CCDC30: variants seen among roughly 807,000 people sequenced by gnomAD.
CCDC30 encodes coiled-coil domain-containing protein 30.
CCDC30 carries 70 observed loss-of-function variants against 100.2 expected under a neutral mutation model. The observed-to-expected ratio is 0.70, with a 90% CI of 0.58 to 0.85. The LOEUF is 0.85. Ranked by LOEUF, CCDC30 falls within the 40% of genes least tolerant of loss-of-function variation. CCDC30 has a pLI of 0.00. For synonymous variants in CCDC30, 233 were observed against 269.5 expected, an observed-to-expected ratio of 0.86 and a Z score of 1.33; for missense variants, 652 against 771.2, an observed-to-expected ratio of 0.85 and a Z score of 1.83.
chr1:42,489,275 C>T (rs1455602597), intron 3 of CCDC30, among the ~76,000 whole-genome samples: 1 of 152,138 alleles, frequency 6.6e-6, no homozygotes, highest in African/African-American at 2.4e-5. Flanking sequence ...TTTATCTCAT[C>T]TATAAAATGG....
chr1:42,487,945 A>G (rs757388086), intron 3 of CCDC30, among the ~76,000 whole-genome samples: 10 of 152,172 alleles, frequency 6.6e-5, no homozygotes, highest in Admixed American at 1.3e-4. Flanking sequence ...AACGTGAACT[A>G]GTAGATGGAT....
chr1:42,501,699 T>C (rs1644315019), intron 6 of CCDC30, among the ~76,000 whole-genome samples: 1 of 152,298 alleles, frequency 6.6e-6, no homozygotes, highest in East Asian at 1.9e-4. Flanking sequence ...TGCAGGTCTC[T>C]TGGAGTTTGC....
At chr1:42,634,896 TTCTC>T (rs1344506854) in intron 11 of CCDC30, among the ~76,000 whole-genome samples, 2 of 152,192 alleles carry the variant, frequency 1.3e-5, no homozygotes, top group Non-Finnish European at 2.9e-5. Context: ...TCTACTTTCT[TTCTC>T]TCTAAATTTG....
chr1:42,595,926 G>A (rs768729899), intron 10 of CCDC30, among the ~76,000 whole-genome samples: 10 of 152,128 alleles, frequency 6.6e-5, no homozygotes, highest in African/African-American at 1.7e-4. Flanking sequence ...CCTCTGGTGC[G>A]AATGCAAAAA....
At chr1:42,576,863 T>C (rs1346127057) in intron 7 of CCDC30, among the ~76,000 whole-genome samples, 157 bp from the exon 12 acceptor site, 1 of 152,194 alleles carries the variant, frequency 6.6e-6, no homozygotes, top group Non-Finnish European at 1.5e-5. Context: ...GTCTACACTT[T>C]GGAAACTCTT....
At chr1:42,546,400 ATATATATATATATATATAT>A (rs371289845) in intron 6 of CCDC30, among the ~76,000 whole-genome samples, 66,110 of 97,532 alleles carry the variant, frequency 0.68, 24,745 homozygotes, top group Non-Finnish European at 0.75. Context: ...AAAAAAAAAA[ATATATATATATATATATAT>A]ATATATATAT....
chr1:42,646,264 G>T lies in CCDC30; in HGVS notation c.1801G>T (p.Glu601Ter). Residue 601 changes from glutamate to a stop codon, truncating the protein, a stop_gained, in exon 15 of 17, where the codon GAG becomes TAG. Coordinates refer to ENST00000668663, the Ensembl canonical transcript of CCDC30. LOFTEE classifies it high-confidence loss of function. ...CAGCAACAATGCAGAACTCCAGCAT[G>T]AGGATGAGTCAGTTCCTGAGGCCAC... 6.4e-7 allele frequency: 1 copy of T among 1,550,638 alleles called. No individual in the cohort carries two copies. Among genetic ancestry groups the T allele is most frequent in the Non-Finnish European group, 8.7e-7 (1 of 1,146,326 alleles).
At chr1:42,498,990 G>C in intron 6 of CCDC30, 74 bp downstream of exon 6, 2 of 700,206 alleles carry the variant, frequency 2.9e-6, no homozygotes, top group Non-Finnish European at 4.0e-6. Flanking sequence ...ATACTAGAGT[G>C]ATTGGTGCTA....
At chr1:42,582,059 CAAA>C (rs770972866) in intron 9 of CCDC30, among the ~76,000 whole-genome samples, 2,986 of 99,032 alleles carry the variant, frequency 0.03, 109 homozygotes, top group African/African-American at 0.1. Flanking sequence ...TTGTCTATAC[CAAA>C]AAAAAAAAAA....
chr1:42,642,718 ACT>A (rs1375801755), intron 13 of CCDC30, 109 bp downstream of exon 17: 2 of 1,071,388 alleles, frequency 1.9e-6, no homozygotes, highest in Admixed American at 3.1e-5. Flanking sequence ...CTACCCTATG[ACT>A]CTCGCTCCGC....
intron 15 of CCDC30, among the ~76,000 whole-genome samples, chr1:42,647,712 T>A (rs558147975): frequency 6.6e-6 from 1 of 152,292 alleles, no homozygotes; most frequent in East Asian, 1.9e-4. Flanking sequence ...AAACAGAAAT[T>A]GTGTCAAGTA....
chr1:42,655,867 CTTTTTTT>C (rs766715541), downstream of CCDC30, among the ~76,000 whole-genome samples: 23 of 87,316 alleles, frequency 2.6e-4, 1 homozygote, highest in African/African-American at 3.1e-4. Context: ...GCTGTTTTTA[CTTTTTTT>C]TTTTTTTTTT....
intron 6 of CCDC30, among the ~76,000 whole-genome samples, chr1:42,560,545 A>G (rs1333831247): frequency 6.6e-6 from 1 of 151,834 alleles, no homozygotes; most frequent in Non-Finnish European, 1.5e-5. Context: ...AATTTTTTGT[A>G]TTTTTAGTAG....
chr1:42,602,476 G>C (rs958406772), intron 10 of CCDC30, among the ~76,000 whole-genome samples: 2 of 152,074 alleles, frequency 1.3e-5, no homozygotes, highest in Non-Finnish European at 2.9e-5. Flanking sequence ...CATTACTACA[G>C]ATGCCACGAA....
At chr1:42,463,312 A>G (rs1383911126) in exon 1 of CCDC30, 2 of 152,212 alleles carry the variant, frequency 1.3e-5, no homozygotes, top group Non-Finnish European at 2.9e-5. Flanking sequence ...CTCCGTAGGC[A>G]CCTGCAGCTA....
chr1:42,494,714 T>C (rs1644202147), intron 4 of CCDC30, among the ~76,000 whole-genome samples: 2 of 137,500 alleles, frequency 1.5e-5, no homozygotes, highest in Non-Finnish European at 3.1e-5. Context: ...CAGACACTTC[T>C]CAAAAGAAGA....
chr1:42,638,088 A>G (rs145073388), intron 12 of CCDC30, among the ~76,000 whole-genome samples: 1 of 152,366 alleles, frequency 6.6e-6, no homozygotes, highest in Non-Finnish European at 1.5e-5. Flanking sequence ...ATGTAATTTC[A>G]GTGATTCCAT....
At chr1:42,589,445 C>G (rs1459010670) in exon 10 of CCDC30, 5 of 1,613,852 alleles carry the variant, frequency 3.1e-6, no homozygotes, top group Non-Finnish European at 4.2e-6. Context: ...AGAGGCCCTA[C>G]TTAAACAACT....
chr1:42,550,436 T>C (rs967243987), intron 6 of CCDC30, among the ~76,000 whole-genome samples: 5 of 152,146 alleles, frequency 3.3e-5, no homozygotes, highest in Non-Finnish European at 7.4e-5. Context: ...ATCTAAACCA[T>C]TACCATGACC....
Sources: allele counts gnomAD v4.1 joint callset (sites outside exome capture counted in the v4.1 genomes callset), GRCh38; gene constraint gnomAD v4.1.1; transcripts MANE v1.5; gene names NCBI Gene and HGNC (gene_info 2026-07-23, HGNC 2026-07-21).